Variants in SPATA16 observed in about 807,000 individuals in gnomAD.
SPATA16 encodes the protein spermatogenesis-associated protein 16.
Under a neutral mutation model 63.3 loss-of-function variants are expected in SPATA16, and 36 were observed. The observed-to-expected ratio is 0.57, with a 90% confidence interval of 0.44 to 0.75. The LOEUF (loss-of-function observed/expected upper bound fraction) is 0.75, where lower values mean the gene tolerates loss of function less well. SPATA16 is among the 30% of genes least tolerant of loss of function. The pLI is 0.00. For missense variants in SPATA16, 646 were observed against 679.3 expected (o/e 0.95, Z 0.54); for synonymous variants, 203 against 216.7 (o/e 0.94, Z 0.56).
rs757162938 is a variant in SPATA16 at position 173,019,554 on chromosome 3, G to A, written c.780C>T (p.Ala260=). 1 of 1,613,960 alleles carries A rather than the reference G, an allele frequency of 6.2e-7. No individual in the cohort carries two copies. The highest frequency in any genetic ancestry group is 2.2e-5 in the East Asian group (1 of 44,856). ...CTTGACGAAGATGATTCCGGAAATAGGCTGGGTTTAAAACAATGCTCCTGT... is the reference window on the plus strand; with the variant it reads ...CTTGACGAAGATGATTCCGGAAATAAGCTGGGTTTAAAACAATGCTCCTGT... The part of the protein sequence containing the change: ...HAHRSIVLNP[A]YFRNHLRQAT... Residue 260 remains alanine, a synonymous_variant, in exon 4 of 11, where the codon GCC becomes GCT. Transcript: ENST00000351008.
intron 5 of SPATA16, among the ~76,000 whole-genome samples, chr3:172,971,987 C>T (rs991128137): frequency 1.1e-4 from 16 of 152,070 alleles, no homozygotes; most frequent in Non-Finnish European, 4.4e-5. Flanking sequence ...AACTATGGGC[C>T]GTCTTTGAGC....
intron 6 of SPATA16, among the ~76,000 whole-genome samples, chr3:172,930,561 T>A (rs1221795265): frequency 2.1e-5 from 3 of 143,376 alleles, no homozygotes; most frequent in African/African-American, 2.6e-5. Flanking sequence ...CTCTTTTTTT[T>A]TTTTTTTTTT....
At chr3:173,106,137 T>G (rs1296804468) in intron 2 of SPATA16, among the ~76,000 whole-genome samples, 1 of 152,148 alleles carries the variant, frequency 6.6e-6, no homozygotes, top group East Asian at 1.9e-4. Flanking sequence ...AAAATTAGAC[T>G]TCATCATTCC....
intron 5 of SPATA16, among the ~76,000 whole-genome samples, chr3:172,975,464 C>T (rs1159441299): frequency 6.6e-6 from 1 of 152,078 alleles, no homozygotes; most frequent in Non-Finnish European, 1.5e-5. Context: ...ACTCCTTTCC[C>T]ACCTCTCTTA....
chr3:172,916,248 T>TA (rs1732482937), intron 9 of SPATA16, 69 bp downstream of exon 9: 3 of 1,538,888 alleles, frequency 1.9e-6, no homozygotes, highest in Non-Finnish European at 2.7e-6. Context: ...TTTTTTTTTT[T>TA]CCCCAGACCA....
At chr3:172,953,617 A>G (rs1733503548) in intron 6 of SPATA16, among the ~76,000 whole-genome samples, 1 of 152,178 alleles carries the variant, frequency 6.6e-6, no homozygotes, top group Admixed American at 6.5e-5. Context: ...ACATAAATGA[A>G]TCCATCAGGT....
At chr3:172,946,091 C>G (rs1030186567) in intron 6 of SPATA16, among the ~76,000 whole-genome samples, 2 of 152,156 alleles carry the variant, frequency 1.3e-5, no homozygotes, top group Non-Finnish European at 2.9e-5. Context: ...ACAACATTAC[C>G]AGACACAACC....
At chr3:172,920,609 C>G (rs546493050) in intron 8 of SPATA16, among the ~76,000 whole-genome samples, 1 of 152,152 alleles carries the variant, frequency 6.6e-6, no homozygotes, top group South Asian at 2.1e-4. Context: ...AAAATTAGGG[C>G]AGCCAAAAAA....
chr3:173,117,962 C>T (rs1236453019), intron 1 of SPATA16, among the ~76,000 whole-genome samples: 1 of 152,114 alleles, frequency 6.6e-6, no homozygotes, highest in East Asian at 1.9e-4. Context: ...TTGTTGTAAA[C>T]ACATCTAGAC....
intron 3 of SPATA16, among the ~76,000 whole-genome samples, chr3:173,027,692 G>A (rs1041167969): frequency 6.6e-6 from 1 of 151,754 alleles, no homozygotes; most frequent in Non-Finnish European, 1.5e-5. Flanking sequence ...AGTGGTAGCA[G>A]AACTCCTCTT....
rs1735492627 is a variant in SPATA16, at chr3:173,027,989, C to CCCTCCCTG, written c.759-8415_759-8414insCAGGGAGG. Among the ~76,000 whole-genome samples the CCCTCCCTG allele has an allele frequency of 3.9e-5, 2 of 51,050 alleles. 1 individual carries two copies. The highest frequency in any genetic ancestry group is 1.6e-3 in the East Asian group (2 of 1,254). 33.5% of individuals were successfully genotyped at this position (51,050 alleles called of 152,430 possible). A position where few individuals can be genotyped will look rare whatever the true frequency, so the allele number is the denominator to read the frequency against. ...ATTTATTTTTTCTCCCTCCCTCCCT[C>CCCTCCCTG]CCTCCCTCCCTCCCTCCCTCCCTCC... On this transcript the variant is annotated intron_variant, in intron 3 of 10. Coordinates refer to ENST00000351008, the MANE Select transcript of SPATA16 (RefSeq NM_031955.6).
chr3:173,040,071 T>C (rs1266150597), intron 3 of SPATA16, among the ~76,000 whole-genome samples: 1 of 152,038 alleles, frequency 6.6e-6, no homozygotes, highest in Non-Finnish European at 1.5e-5. Context: ...TTGTACATAG[T>C]CATGGTTGTC....
At chr3:173,108,919 A>C (rs1186491420) in intron 2 of SPATA16, among the ~76,000 whole-genome samples, 3 of 152,202 alleles carry the variant, frequency 2.0e-5, no homozygotes, top group African/African-American at 7.2e-5. Context: ...GTGTAAGTGC[A>C]GTCTATTGTG....
chr3:172,923,716 T>C (rs777539563), intron 8 of SPATA16, among the ~76,000 whole-genome samples: 2 of 152,152 alleles, frequency 1.3e-5, no homozygotes, highest in Non-Finnish European at 2.9e-5. Context: ...AGAAAGAGAT[T>C]AGATAATTTA....
At chr3:173,039,224 G>A (rs962549912) in intron 3 of SPATA16, among the ~76,000 whole-genome samples, 1 of 152,030 alleles carries the variant, frequency 6.6e-6, no homozygotes, top group Admixed American at 6.6e-5. Context: ...AAGCCTAAAT[G>A]ACTTGTTCAA....
chr3:173,054,958 C>A (rs998059894), intron 2 of SPATA16, among the ~76,000 whole-genome samples: 3 of 152,012 alleles, frequency 2.0e-5, no homozygotes, highest in Non-Finnish European at 2.9e-5. Flanking sequence ...TGGTAAAAAA[C>A]CCCAAAATAA....
intron 8 of SPATA16, among the ~76,000 whole-genome samples, chr3:172,918,649 T>TA (rs1325195491): frequency 6.6e-6 from 1 of 151,916 alleles, no homozygotes; most frequent in African/African-American, 2.4e-5. Flanking sequence ...AAGAAAATAA[T>TA]AAAAAATAGG....
At chr3:172,928,104 T>C (rs550420087) in intron 6 of SPATA16, among the ~76,000 whole-genome samples, 87 of 152,140 alleles carry the variant, frequency 5.7e-4, no homozygotes, top group Non-Finnish European at 1.0e-3. Flanking sequence ...AGATGAGGTT[T>C]CTCCAAGTTG....
At chr3:172,945,701 A>G (rs1448001562) in intron 6 of SPATA16, among the ~76,000 whole-genome samples, 3 of 152,220 alleles carry the variant, frequency 2.0e-5, no homozygotes, top group Admixed American at 6.5e-5. Context: ...GATCAGCCCT[A>G]GCCAGGGAAG....
Sources: gnomAD v4.1 joint callset for allele counts (sites outside exome capture counted in the v4.1 genomes callset) on GRCh38, gnomAD v4.1.1 for gene constraint, MANE v1.5 for transcripts, NCBI Gene and HGNC (gene_info 2026-07-23, HGNC 2026-07-21) for gene names.